FBXL17: variants seen among roughly 807,000 people sequenced by gnomAD.
FBXL17 encodes F-box and leucine rich repeat protein 17, also known as F-box/LRR-repeat protein 17.
In FBXL17, 22 loss-of-function variants were observed where a neutral mutation model predicts 66.2. The ratio of observed to expected loss-of-function variants is 0.33; its 90% confidence interval spans 0.24 to 0.47. The LOEUF (loss-of-function observed/expected upper bound fraction) is 0.47, where lower values mean the gene tolerates loss of function less well. FBXL17 is among the 20% of genes least tolerant of loss of function. The probability of loss-of-function intolerance (pLI) is 1.00; values close to 1 mark genes in which losing one functional copy is unlikely to be tolerated. For synonymous variants in FBXL17, 474 were observed against 400.5 expected (o/e 1.18, Z -2.19); for missense variants, 878 against 948.2 (o/e 0.93, Z 0.97).
chr5:108,172,323 A>T (rs1752636231), intron 6 of FBXL17, among the ~76,000 whole-genome samples: 1 of 152,192 alleles, frequency 6.6e-6, no homozygotes, highest in African/African-American at 2.4e-5. Context: ...TTTCCACCAT[A>T]TTCTATCAGT....
At chr5:108,047,988 G>A (rs1747322427) in intron 6 of FBXL17, among the ~76,000 whole-genome samples, 1 of 152,206 alleles carries the variant, frequency 6.6e-6, no homozygotes, top group South Asian at 2.1e-4. Context: ...CCACCCAACT[G>A]GGTGAGACCC....
chr5:108,322,730 C>G, intron 4 of FBXL17, among the ~76,000 whole-genome samples: 1 of 151,752 alleles, frequency 6.6e-6, no homozygotes, highest in Non-Finnish European at 1.5e-5. Context: ...AAATTTCCAT[C>G]AATAATTTAA....
intron 7 of FBXL17, among the ~76,000 whole-genome samples, chr5:108,015,421 G>A (rs572075111): frequency 5.7e-4 from 86 of 152,096 alleles, no homozygotes; most frequent in Non-Finnish European, 9.6e-4. Context: ...TATTCCTGCT[G>A]ACAAAAGGAG....
At chr5:108,008,189 A>G (rs1204274630) in intron 7 of FBXL17, among the ~76,000 whole-genome samples, 1 of 152,186 alleles carries the variant, frequency 6.6e-6, no homozygotes, top group Non-Finnish European at 1.5e-5. Flanking sequence ...AAATATCAAC[A>G]TGCTTGATAC....
chr5:107,912,671 T>C lies in FBXL17; in HGVS notation c.1823-31492A>G, dbSNP rs1047076095. Among the ~76,000 whole-genome samples, 14 of 152,286 alleles carry C rather than the reference T, an allele frequency of 9.2e-5. No homozygotes were observed. In the South Asian group the frequency reaches 2.9e-3, roughly 32 times the overall value. ...TAAAATTATTTGGAAGTATGACCACTACGAAAGTGTTTTCCACTAAGGAAG... is the reference window on the plus strand; with the variant it reads ...TAAAATTATTTGGAAGTATGACCACCACGAAAGTGTTTTCCACTAAGGAAG... On this transcript the variant is annotated intron_variant, in intron 7 of 8. Coordinates refer to ENST00000542267, the MANE Select transcript of FBXL17 (RefSeq NM_001163315.3).
intron 6 of FBXL17, among the ~76,000 whole-genome samples, chr5:108,063,985 T>C (rs2112849450): frequency 6.6e-6 from 1 of 152,268 alleles, no homozygotes; most frequent in African/African-American, 2.4e-5. Context: ...AGAACAGCTT[T>C]TTATAGTTTT....
intron 7 of FBXL17, among the ~76,000 whole-genome samples, chr5:107,957,962 G>A (rs7737558): frequency 2.3e-4 from 35 of 152,090 alleles, no homozygotes; most frequent in African/African-American, 6.3e-4. Context: ...GTCTCTGGCC[G>A]AAGCATTCTG....
chr5:108,038,567 TTC>T (rs891459033), intron 6 of FBXL17, among the ~76,000 whole-genome samples: 1 of 152,100 alleles, frequency 6.6e-6, no homozygotes, highest in Non-Finnish European at 1.5e-5. Flanking sequence ...GATTTAACAT[TTC>T]TGTTTGCCCT....
intron 5 of FBXL17, among the ~76,000 whole-genome samples, chr5:108,188,767 G>A (rs1228726200): frequency 1.3e-5 from 2 of 152,180 alleles, no homozygotes; most frequent in Admixed American, 6.5e-5. Flanking sequence ...GGGCTCAAAG[G>A]TGAGCTGTTT....
intron 3 of FBXL17, among the ~76,000 whole-genome samples, chr5:108,358,038 C>T (rs1197958557): frequency 6.6e-6 from 1 of 152,022 alleles, no homozygotes. Context: ...TTGCATCCTG[C>T]CACTCTGCTG....
At chr5:108,025,514 G>A (rs288163) in intron 6 of FBXL17, among the ~76,000 whole-genome samples, 118,001 of 152,044 alleles carry the variant, frequency 0.78, 46,157 homozygotes, top group East Asian at 0.93. Flanking sequence ...TTGAATAAAC[G>A]TGTGGATCAA....
At chr5:108,056,214 G>A (rs1215299456) in intron 6 of FBXL17, among the ~76,000 whole-genome samples, 1 of 152,150 alleles carries the variant, frequency 6.6e-6, no homozygotes, top group Non-Finnish European at 1.5e-5. Context: ...TCCTTTAGTT[G>A]CCTTGTGGAT....
chr5:108,116,672 T>A (rs867449946), intron 6 of FBXL17, among the ~76,000 whole-genome samples: 9 of 151,266 alleles, frequency 5.9e-5, no homozygotes, highest in Non-Finnish European at 8.9e-5. Flanking sequence ...AATAAAAAAA[T>A]AATAATAAAA....
At chr5:108,039,596 T>C (rs1353369827) in intron 6 of FBXL17, among the ~76,000 whole-genome samples, 2 of 152,102 alleles carry the variant, frequency 1.3e-5, no homozygotes, top group Non-Finnish European at 2.9e-5. Flanking sequence ...AAAATATTCA[T>C]AGTCAATATT....
intron 7 of FBXL17, among the ~76,000 whole-genome samples, chr5:107,895,822 C>A (rs1210385875): frequency 6.6e-6 from 1 of 152,100 alleles, no homozygotes; most frequent in Non-Finnish European, 1.5e-5. Flanking sequence ...TTTATGCAGG[C>A]ACACATTTCC....
intron 4 of FBXL17, among the ~76,000 whole-genome samples, chr5:108,250,114 A>C (rs1756279299): frequency 6.6e-6 from 1 of 152,114 alleles, no homozygotes; most frequent in African/African-American, 2.4e-5. Context: ...ATTAATGCTA[A>C]CCTTGGCACT....
At chr5:108,191,510 C>T (rs1208927219) in intron 5 of FBXL17, among the ~76,000 whole-genome samples, 1 of 152,178 alleles carries the variant, frequency 6.6e-6, no homozygotes, top group Non-Finnish European at 1.5e-5. Flanking sequence ...TATAAAGCTG[C>T]TTGTGCCAGT....
chr5:107,879,408 C>T (rs1748709645), intron 8 of FBXL17: 9 of 985,250 alleles, frequency 9.1e-6, no homozygotes, highest in African/African-American at 3.5e-5. Context: ...GGGTTAGCAG[C>T]GGCATTAGGT....
At chr5:108,032,336 G>C (rs1178167027) in intron 6 of FBXL17, among the ~76,000 whole-genome samples, 3 of 152,044 alleles carry the variant, frequency 2.0e-5, no homozygotes, top group East Asian at 1.9e-4. Flanking sequence ...TGAGGCCCTA[G>C]CATGGAACCT....
Sources: gnomAD v4.1 joint callset for allele counts (sites outside exome capture counted in the v4.1 genomes callset) on GRCh38, gnomAD v4.1.1 for gene constraint, MANE v1.5 for transcripts, NCBI Gene and HGNC (gene_info 2026-07-23, HGNC 2026-07-21) for gene names.